NRXN3: variants seen among roughly 807,000 people sequenced by gnomAD.
NRXN3 encodes neurexin 3.
In NRXN3, 32 loss-of-function variants were observed where a neutral mutation model predicts 137.6. That is an observed-to-expected ratio of 0.23 (90% CI 0.18 to 0.31). NRXN3 has a LOEUF of 0.31. Among genes scored for constraint, NRXN3 ranks in the 10% least tolerant of loss-of-function variants. The probability of loss-of-function intolerance (pLI) is 1.00; values close to 1 mark genes in which losing one functional copy is unlikely to be tolerated. For synonymous variants in NRXN3, 798 were observed against 784.5 expected (o/e 1.02, Z -0.29); for missense variants, 1,574 against 2,062.5 (o/e 0.76, Z 4.59).
chr14:79,320,278 T>C (rs2089749131), intron 15 of NRXN3, among the ~76,000 whole-genome samples: 1 of 152,142 alleles, frequency 6.6e-6, no homozygotes, highest in Non-Finnish European at 1.5e-5. Context: ...AATACACAAT[T>C]CTCTCTTGCA....
chr14:78,349,742 G>A (rs1280773501), intron 4 of NRXN3, among the ~76,000 whole-genome samples: 1 of 152,162 alleles, frequency 6.6e-6, no homozygotes, highest in African/African-American at 2.4e-5. Context: ...CTCAATATAG[G>A]ATAGCTGTTG....
chr14:78,775,588 A>G (rs1378431207), intron 8 of NRXN3, among the ~76,000 whole-genome samples: 1 of 152,252 alleles, frequency 6.6e-6, no homozygotes, highest in Non-Finnish European at 1.5e-5. Flanking sequence ...CTGGAATTTT[A>G]CAGGAATGAG....
chr14:78,802,017 G>A (rs546729305), intron 8 of NRXN3, among the ~76,000 whole-genome samples: 88 of 152,302 alleles, frequency 5.8e-4, no homozygotes, highest in African/African-American at 2.1e-3. Context: ...CATGTAGGTA[G>A]CAAATATTTG....
intron 19 of NRXN3, among the ~76,000 whole-genome samples, chr14:79,722,371 G>A (rs959148062): frequency 1.3e-5 from 2 of 151,952 alleles, no homozygotes; most frequent in South Asian, 2.1e-4. Flanking sequence ...GGATAAAATC[G>A]AATATCCTTA....
chr14:79,632,375 A>G, intron 16 of NRXN3: 1 of 152,756 alleles, frequency 6.5e-6, no homozygotes, highest in Non-Finnish European at 1.5e-5. Flanking sequence ...GGTCCTTGGG[A>G]GAAGACAACA....
At chr14:79,175,753 C>G (rs2062268782) in intron 15 of NRXN3, among the ~76,000 whole-genome samples, 1 of 152,230 alleles carries the variant, frequency 6.6e-6, no homozygotes, top group Non-Finnish European at 1.5e-5. Flanking sequence ...TCCCAGCCAT[C>G]TGATTCCCAA....
At chr14:79,745,524 A>G (rs532906232) in intron 19 of NRXN3, among the ~76,000 whole-genome samples, 23 of 152,314 alleles carry the variant, frequency 1.5e-4, no homozygotes, top group African/African-American at 5.3e-4. Context: ...AATCCAAACC[A>G]GCAGCAGAGC....
intron 10 of NRXN3, among the ~76,000 whole-genome samples, chr14:78,882,732 G>A (rs192862427): frequency 6.6e-6 from 1 of 151,746 alleles, no homozygotes; most frequent in East Asian, 1.9e-4. Context: ...TTGGACTTTT[G>A]AGTTAATGCT....
At chr14:78,925,828 G>A (rs1405132461) in intron 10 of NRXN3, among the ~76,000 whole-genome samples, 1 of 152,134 alleles carries the variant, frequency 6.6e-6, no homozygotes, top group Non-Finnish European at 1.5e-5. Context: ...TTTCCTAGCT[G>A]TGTGACCTTA....
intron 4 of NRXN3, among the ~76,000 whole-genome samples, chr14:78,419,961 G>GCACACACACACACA (rs1256574515): frequency 1.3e-3 from 62 of 49,240 alleles, no homozygotes; most frequent in Middle Eastern, 0.024. Flanking sequence ...GCGCGCGCAC[G>GCACACACACACACA]CACACACACA....
chr14:79,786,096 A>C (rs2140195152), intron 19 of NRXN3, among the ~76,000 whole-genome samples: 1 of 152,246 alleles, frequency 6.6e-6, no homozygotes, highest in African/African-American at 2.4e-5. Flanking sequence ...CTTCTTCTGC[A>C]CTGATAATTA....
intron 4 of NRXN3, among the ~76,000 whole-genome samples, chr14:78,394,788 G>T (rs894712459): frequency 1.3e-5 from 2 of 151,612 alleles, no homozygotes; most frequent in Non-Finnish European, 3.0e-5. Context: ...TCAATGATTT[G>T]GGGTAGACAG....
At chr14:78,224,593 A>T (rs1425648597) in intron 1 of NRXN3, among the ~76,000 whole-genome samples, 1 of 152,028 alleles carries the variant, frequency 6.6e-6, no homozygotes, top group East Asian at 1.9e-4. Context: ...TGTCCCTTCA[A>T]AGGACATGAA....
At chr14:79,461,144 G>A (rs2096333170) in intron 15 of NRXN3, among the ~76,000 whole-genome samples, 1 of 151,868 alleles carries the variant, frequency 6.6e-6, no homozygotes, top group Non-Finnish European at 1.5e-5. Context: ...CCTCCTTTTG[G>A]AGCTCTTGAT....
intron 16 of NRXN3, among the ~76,000 whole-genome samples, chr14:79,558,120 T>C (rs548142845): frequency 3.5e-4 from 53 of 152,246 alleles, no homozygotes; most frequent in Admixed American, 2.2e-3. Flanking sequence ...CTACTTCTAG[T>C]TACCTTGTTC....
intron 15 of NRXN3, among the ~76,000 whole-genome samples, chr14:79,209,590 G>A (rs1483656927): frequency 1.3e-5 from 2 of 152,068 alleles, no homozygotes; most frequent in African/African-American, 4.8e-5. Context: ...GTCTTCCCAA[G>A]GTCTATTCCA....
intron 20 of NRXN3, among the ~76,000 whole-genome samples, chr14:79,810,197 C>CG (rs1043398605): frequency 3.3e-5 from 5 of 149,468 alleles, no homozygotes; most frequent in Admixed American, 1.3e-4. Context: ...CAGAGCAGAG[C>CG]GAAAAAAAAA....
intron 15 of NRXN3, among the ~76,000 whole-genome samples, chr14:79,315,398 T>A (rs761274183): frequency 9.2e-5 from 14 of 152,064 alleles, no homozygotes; most frequent in Non-Finnish European, 1.5e-4. Context: ...CAATGCTCCA[T>A]CCTATTCGAA....
intron 2 of NRXN3, among the ~76,000 whole-genome samples, chr14:78,276,411 T>G (rs2073600783): frequency 6.6e-6 from 1 of 152,184 alleles, no homozygotes; most frequent in African/African-American, 2.4e-5. Context: ...CTCTTGGTGT[T>G]TCCAGTGAGC....
Sources: gnomAD v4.1 joint callset for allele counts (sites outside exome capture counted in the v4.1 genomes callset) on GRCh38, gnomAD v4.1.1 for gene constraint, MANE v1.5 for transcripts, NCBI Gene and HGNC (gene_info 2026-07-23, HGNC 2026-07-21) for gene names.